Variants in COPS6 observed in about 807,000 individuals in gnomAD.
COPS6 encodes COP9 signalosome subunit 6.
Under a neutral mutation model 41.0 loss-of-function variants are expected in COPS6, and 9 were observed. The ratio of observed to expected loss-of-function variants is 0.22; its 90% CI spans 0.13 to 0.38. COPS6 has a LOEUF of 0.38. COPS6 is among the 10% of genes least tolerant of loss of function. COPS6 has a pLI of 1.00. For synonymous variants in COPS6, 179 were observed against 162.9 expected (o/e 1.10, Z -0.75); for missense variants, 302 against 436.7 (o/e 0.69, Z 2.75).
intron 3 of COPS6, 158 bp from the exon 4 acceptor site, chr7:100,090,241 G>A (rs1040929978): frequency 4.4e-5 from 27 of 616,240 alleles, no homozygotes; most frequent in Admixed American, 2.0e-4. Context: ...CCAGCTACGC[G>A]GGATGCTGAG....
Position 100,090,445 on chromosome 7 carries a change from A to G in COPS6, c.381A>G (p.Thr127=), listed in dbSNP as rs1356533954. 1.2e-6 allele frequency: 2 copies of G among 1,614,006 alleles called. No homozygotes were observed. Among genetic ancestry groups the G allele is most frequent in the South Asian group, 2.2e-5 (2 of 91,070 alleles). The part of the protein sequence containing the change: ...KELEFLGWYT[T]GGPPDPSDIH... The stretch of plus-strand genomic sequence containing the variant: ...TGGAGTTTCTGGGTTGGTATACCAC[A>G]GGGGGGCCACCTGACCCCTCGGACA... The change falls in exon 4 of 10, where the codon ACA becomes ACG. Residue 127 remains threonine (T), a synonymous_variant. Coordinates refer to ENST00000303904, the MANE Select transcript of COPS6 (RefSeq NM_006833.5).
At position 100,091,765 on chromosome 7, in the gene COPS6, G is replaced by A. The variant is rs1488331982; in HGVS notation, c.960G>A (p.Arg320=). 1 of 1,614,100 alleles carries A rather than the reference G, an allele frequency of 6.2e-7. No individual in the cohort carries two copies. Among genetic ancestry groups the A allele is most frequent in the Non-Finnish European group, 8.5e-7 (1 of 1,180,050 alleles). The part of the protein sequence containing the change: ...NVLYDRQGIG[R]RMRGLFF ...TCTACGACCGACAAGGCATCGGCAG[G>A]AGAATGCGCGGGCTCTTTTTCTGAT... Residue 320 remains arginine (R), a synonymous_variant, in exon 10 of 10, where the codon AGG becomes AGA. Transcript: ENST00000303904. The surrounding 1 kb of genome is among the most constrained non-coding windows in gnomAD (Gnocchi z 4.1).
rs768730926 is a variant in COPS6, at chr7:100,091,619, G to A, written c.844-30G>A. 2.8e-5 allele frequency: 45 copies of A among 1,613,926 alleles called. No individual in the cohort carries two copies. In the East Asian group the frequency reaches 3.8e-4, roughly 14 times the overall value. On this transcript the variant is annotated intron_variant, in intron 9 of 9. Coordinates refer to ENST00000303904, the MANE Select transcript of COPS6 (RefSeq NM_006833.5). The surrounding 1 kb of genome is among the most constrained non-coding windows in gnomAD (Gnocchi z 4.1). The stretch of plus-strand genomic sequence containing the variant: ...CCCCGGGCATGCCACGAGGGATCCC[G>A]AGGAACTGGTCCTTTCTGTTCCCTC...
chr7:100,089,114 C>T lies in COPS6; in HGVS notation c.76+48C>T, dbSNP rs1176943363. Reference sequence around the variant, plus strand: ...CTTCCGGAGACCTCCTTCAGGGGTTCGTTGAGGCCTCCCTGTGCTCCCGGG... The same window carrying T: ...CTTCCGGAGACCTCCTTCAGGGGTTTGTTGAGGCCTCCCTGTGCTCCCGGG... On this transcript the variant is annotated intron_variant, in intron 1 of 9. Coordinates refer to ENST00000303904, the MANE Select transcript of COPS6 (RefSeq NM_006833.5). 4 of 1,442,246 alleles carry T rather than the reference C, an allele frequency of 2.8e-6. No individual in the cohort carries two copies. The Middle Eastern group carries it at 7.3e-4, about 263-fold the overall frequency. 89.3% of individuals were successfully genotyped at this position (1,442,246 alleles called of 1,614,324 possible). A position where few individuals can be genotyped will look rare whatever the true frequency, so the allele number is the denominator to read the frequency against.
In COPS6 at chr7:100,088,988, A is replaced by C. The variant is rs1795271784; in HGVS notation, c.-3A>C. On this transcript the variant is annotated 5_prime_UTR_variant, in exon 1 of 10. Coordinates refer to ENST00000303904, the MANE Select transcript of COPS6 (RefSeq NM_006833.5). ...GGGGCCGAGGCTGGCGGGCGCGGGG[A>C]AAATGGCGGCGGCGGCGGCGGCGGC... is the stretch of plus-strand genomic sequence containing the variant. The C allele has an allele frequency of 7.7e-7, 1 of 1,306,118 alleles. No individual in the cohort carries two copies. The highest frequency in any genetic ancestry group is 9.8e-7 in the Non-Finnish European group (1 of 1,023,306). The allele number at this position is 1,306,118 out of a possible 1,614,324, so 80.9% of individuals were successfully genotyped here.
At chr7:100,090,769 C>A in intron 5 of COPS6, 115 bp downstream of exon 5, 1 of 1,441,144 alleles carries the variant, frequency 6.9e-7, no homozygotes, top group South Asian at 1.2e-5. Flanking sequence ...CTGGCTTAGT[C>A]ATTTAATCTC....
Position 100,089,083 on chromosome 7 carries a change from G to A in COPS6, c.76+17G>A. 1.4e-6 allele frequency: 2 copies of A among 1,421,076 alleles called. No individual in the cohort carries two copies. The highest frequency in any genetic ancestry group is 3.2e-5 in the Admixed American group (1 of 31,386). 88.0% of individuals were successfully genotyped at this position (1,421,076 alleles called of 1,614,324 possible). ...ATGCAGCAGGTAACGGGCCGTGCGG[G>A]GGTGGCTTCCGGAGACCTCCTTCAG... is the stretch of plus-strand genomic sequence containing the variant. On this transcript the variant is annotated intron_variant, in intron 1 of 9. Coordinates refer to ENST00000303904, the MANE Select transcript of COPS6 (RefSeq NM_006833.5).
rs1795325212 is a variant in COPS6, at chr7:100,091,705, C to T, written c.900C>T (p.Asn300=). 6.2e-7 allele frequency: 1 copy of T among 1,614,082 alleles called. No homozygotes were observed. The highest frequency in any genetic ancestry group is 8.5e-7 in the Non-Finnish European group (1 of 1,180,062). ...AYLGTITKTC[N]TMNQFVNKFN... ...TCGGCACCATCACCAAAACGTGCAA[C>T]ACCATGAACCAGTTTGTGAACAAGT... is the stretch of plus-strand genomic sequence containing the variant. Residue 300 remains asparagine (N), a synonymous_variant, in exon 10 of 10, where the codon AAC becomes AAT. Coordinates refer to ENST00000303904, the MANE Select transcript of COPS6 (RefSeq NM_006833.5). This position sits in a 1 kb window ranked among gnomAD's most constrained non-coding sequence, Gnocchi z 4.1.
rs1562888963 is a variant in COPS6, at chr7:100,091,180, G to A, written c.649+28G>A. 6.2e-7 allele frequency: 1 copy of A among 1,613,552 alleles called. No homozygotes were observed. The highest frequency in any genetic ancestry group is 8.5e-7 in the Non-Finnish European group (1 of 1,179,464). On this transcript the variant is annotated intron_variant, in intron 7 of 9. Coordinates refer to ENST00000303904, the MANE Select transcript of COPS6 (RefSeq NM_006833.5). This position sits in a 1 kb window ranked among gnomAD's most constrained non-coding sequence, Gnocchi z 4.1. ...AATGGAGGGGATTCCTTGGAAGTGG[G>A]GTTGGAAGGTGTGGCCACATCCCGT...
rs1795280186 is a variant in COPS6 at position 100,089,319 on chromosome 7, A to T, written c.106A>T (p.Thr36Ser). ...CCCCAGCGTGATGGCCTGCGGAGTG[A>T]CTGGGAGTGTTTCCGTCGCTCTCCA... Reference protein sequence around the residue: ...VVPSVMACGVTGSVSVALHPL... With the variant: ...VVPSVMACGVSGSVSVALHPL... The change falls in exon 2 of 10, where the codon ACT (threonine) becomes TCT (serine). Residue 36 changes from threonine (T) to serine (S), a missense_variant. By Grantham distance (58) the Thr-to-Ser change is moderately conservative. This residue lies in a region of COPS6 where 76 missense variants were observed against 97.9 expected (regional missense o/e 0.78). Coordinates refer to ENST00000303904, the MANE Select transcript of COPS6 (RefSeq NM_006833.5). 3 of 1,613,998 alleles carry T rather than the reference A, an allele frequency of 1.9e-6. 1 individual carries two copies. The highest frequency in any genetic ancestry group is 2.2e-5 in the East Asian group (1 of 44,864).
At chr7:100,089,110 G>A in intron 1 of COPS6, 44 bp downstream of exon 1, 1 of 1,441,514 alleles carries the variant, frequency 6.9e-7, no homozygotes, top group Non-Finnish European at 9.1e-7. Context: ...CTCCTTCAGG[G>A]GTTCGTTGAG....
Position 100,089,001 on chromosome 7 carries a change from C to A in COPS6, c.11C>A (p.Ala4Glu), listed in dbSNP as rs1228878322. 1 of 1,310,250 alleles carries A rather than the reference C, an allele frequency of 7.6e-7. No homozygotes were observed. Among genetic ancestry groups the A allele is most frequent in the Non-Finnish European group, 9.7e-7 (1 of 1,026,942 alleles). The allele number at this position is 1,310,250 out of a possible 1,614,324, so 81.2% of individuals were successfully genotyped here. Reference sequence around the variant, plus strand: ...GCGGGCGCGGGGAAAATGGCGGCGGCGGCGGCGGCGGCTGCAGCTACGAAC... The same window carrying A: ...GCGGGCGCGGGGAAAATGGCGGCGGAGGCGGCGGCGGCTGCAGCTACGAAC... MAA[A>E]AAAAAATNGT... The change falls in exon 1 of 10, where the codon GCG becomes GAG. Residue 4 changes from alanine to glutamate, a missense_variant. Ala to Glu is a moderately radical substitution (Grantham distance 107). This residue lies in a region of COPS6 where 76 missense variants were observed against 97.9 expected (regional missense o/e 0.78). Coordinates refer to ENST00000303904, the MANE Select transcript of COPS6 (RefSeq NM_006833.5).
chr7:100,089,176 G>T, intron 1 of COPS6, 110 bp downstream of exon 1: 1 of 1,515,880 alleles, frequency 6.6e-7, no homozygotes. Context: ...ATCTTTCCCT[G>T]GGATAAGTTA....
chr7:100,089,700 G>T lies in COPS6; in HGVS notation c.288G>T (p.Glu96Asp), dbSNP rs777221023. The T allele has an allele frequency of 4.3e-6, 7 of 1,613,950 alleles. No homozygotes were observed. The East Asian group carries it at 1.6e-4, about 36-fold the overall frequency. The change falls in exon 3 of 10, where the codon GAG (glutamate) becomes GAT (aspartate). Residue 96 changes from glutamate to aspartate, a missense_variant. Glu to Asp is a conservative substitution (Grantham distance 45, BLOSUM62 2). Coordinates refer to ENST00000303904, the MANE Select transcript of COPS6 (RefSeq NM_006833.5). ...SFELLSHTVE[E>D]KIIIDKEYYY... ...AGCTGCTGTCCCACACCGTGGAAGAGAAGATTATCATTGACAAGGAATATT... is the reference window on the plus strand; with the variant it reads ...AGCTGCTGTCCCACACCGTGGAAGATAAGATTATCATTGACAAGGAATATT...
In COPS6 at chr7:100,089,177, G is replaced by A. The variant is rs1795276209; in HGVS notation, c.76+111G>A. 4.0e-6 allele frequency: 6 copies of A among 1,516,594 alleles called. No homozygotes were observed. The South Asian group carries it at 7.9e-5, about 20-fold the overall frequency. 93.9% of individuals were successfully genotyped at this position (1,516,594 alleles called of 1,614,324 possible). On this transcript the variant is annotated intron_variant, in intron 1 of 9. Coordinates refer to ENST00000303904, the MANE Select transcript of COPS6 (RefSeq NM_006833.5). ...GGCGGAGCAGCAACATCTTTCCCTG[G>A]GATAAGTTACGGGAGGAAAGTGTGG...
intron 5 of COPS6, 95 bp from the exon 6 acceptor site, chr7:100,090,807 T>G: frequency 2.0e-6 from 3 of 1,501,464 alleles, no homozygotes; most frequent in Non-Finnish European, 2.8e-6. Flanking sequence ...TAATCCCTAC[T>G]TCATTGGTTT....
At position 100,091,218 on chromosome 7, in the gene COPS6, C is replaced by T. The variant is rs771975765; in HGVS notation, c.650-20C>T. ...GGCCACATCCCGTCTCAACCTCCTCCTGTCCTCATCCCCTTGCAGTGGCTG... is the reference window on the plus strand; with the variant it reads ...GGCCACATCCCGTCTCAACCTCCTCTTGTCCTCATCCCCTTGCAGTGGCTG... On this transcript the variant is annotated intron_variant, in intron 7 of 9. Coordinates refer to ENST00000303904, the MANE Select transcript of COPS6 (RefSeq NM_006833.5). The surrounding 1 kb of genome is among the most constrained non-coding windows in gnomAD (Gnocchi z 4.1). 14 of 1,614,136 alleles carry T rather than the reference C, an allele frequency of 8.7e-6. No homozygotes were observed. The South Asian group carries it at 1.5e-4, about 18-fold the overall frequency.
chr7:100,090,751 C>T (rs1795303424), intron 5 of COPS6, 97 bp downstream of exon 5: 5 of 1,445,362 alleles, frequency 3.5e-6, no homozygotes, highest in Non-Finnish European at 4.9e-6. Flanking sequence ...CACTTACCAG[C>T]TGTGACTCTG....
Position 100,091,604 on chromosome 7 carries a change from G to C in COPS6, c.844-45G>C. On this transcript the variant is annotated intron_variant, in intron 9 of 9. Coordinates refer to ENST00000303904, the MANE Select transcript of COPS6 (RefSeq NM_006833.5). The surrounding 1 kb of genome is among the most constrained non-coding windows in gnomAD (Gnocchi z 4.1). ...CTGGGGACTGTTGTTCCCCGGGCAT[G>C]CCACGAGGGATCCCGAGGAACTGGT... is the stretch of plus-strand genomic sequence containing the variant. 6.2e-7 allele frequency: 1 copy of C among 1,613,920 alleles called. No homozygotes were observed. Among genetic ancestry groups the C allele is most frequent in the Non-Finnish European group, 8.5e-7 (1 of 1,179,818 alleles).
Sources: allele counts gnomAD v4.1 joint callset, GRCh38; gene constraint gnomAD v4.1.1; regional missense constraint gnomAD v4.1.1; non-coding constraint Gnocchi (gnomAD v3.1); transcripts MANE v1.5; gene names NCBI Gene and HGNC (gene_info 2026-07-23, HGNC 2026-07-21).